CNTN4: variants seen among roughly 807,000 people sequenced by gnomAD.
The protein encoded by CNTN4 is contactin-4.
Under a neutral mutation model 122.5 loss-of-function variants are expected in CNTN4, and 77 were observed. That is an observed-to-expected ratio of 0.63 (90% CI 0.52 to 0.76). The LOEUF (loss-of-function observed/expected upper bound fraction) is 0.76. Among genes scored for constraint, CNTN4 ranks in the 30% least tolerant of loss-of-function variants. The pLI, the probability that CNTN4 is intolerant of heterozygous loss-of-function variation, is 0.00. For synonymous variants in CNTN4, 512 were observed against 447.0 expected (o/e 1.15, Z -1.83); for missense variants, 1,256 against 1,259.1 (o/e 1.00, Z 0.04).
chr3:2,372,399 T>C (rs1262369073), intron 3 of CNTN4, among the ~76,000 whole-genome samples: 2 of 152,230 alleles, frequency 1.3e-5, no homozygotes, highest in Non-Finnish European at 1.5e-5. Context: ...TGTTTCTAAT[T>C]TGTGTATTCT....
intron 3 of CNTN4, among the ~76,000 whole-genome samples, chr3:2,412,407 A>G (rs1436713638): frequency 6.6e-6 from 1 of 151,988 alleles, no homozygotes; most frequent in Non-Finnish European, 1.5e-5. Flanking sequence ...CCCCACCACC[A>G]TGCCCAGCTG....
chr3:2,244,041 A>G (rs779065417), intron 2 of CNTN4, among the ~76,000 whole-genome samples: 5 of 152,100 alleles, frequency 3.3e-5, no homozygotes, highest in Admixed American at 6.6e-5. Flanking sequence ...TCCTTTATCC[A>G]TAGCCCATAC....
At chr3:2,851,636 C>A (rs1255557742) in intron 7 of CNTN4, among the ~76,000 whole-genome samples, 1 of 152,198 alleles carries the variant, frequency 6.6e-6, no homozygotes, top group Non-Finnish European at 1.5e-5. Flanking sequence ...CTCATTTGGT[C>A]ATCAAACCTC....
At chr3:2,636,372 G>A (rs2082657676) in intron 4 of CNTN4, among the ~76,000 whole-genome samples, 1 of 152,120 alleles carries the variant, frequency 6.6e-6, no homozygotes, top group Non-Finnish European at 1.5e-5. Context: ...ATTAGACATA[G>A]AAGATAGAAT....
intron 14 of CNTN4, among the ~76,000 whole-genome samples, chr3:3,016,013 G>A (rs190798943): frequency 1.1e-4 from 16 of 152,230 alleles, no homozygotes; most frequent in Admixed American, 9.8e-4. Context: ...TGAGTCATAA[G>A]GGAGAGTTAC....
At chr3:2,388,801 C>A (rs1325425117) in intron 3 of CNTN4, among the ~76,000 whole-genome samples, 1 of 150,644 alleles carries the variant, frequency 6.6e-6, no homozygotes, top group Non-Finnish European at 1.5e-5. Flanking sequence ...ACCGAGATCT[C>A]ACCACTGCAC....
chr3:2,166,352 ACAAG>A (rs2036194731), intron 2 of CNTN4, among the ~76,000 whole-genome samples: 1 of 152,054 alleles, frequency 6.6e-6, no homozygotes, highest in South Asian at 2.1e-4. Flanking sequence ...TGAAAAGATA[ACAAG>A]CAAGGGAATT....
At chr3:2,896,011 C>T (rs1053157400) in intron 10 of CNTN4, among the ~76,000 whole-genome samples, 8 of 152,018 alleles carry the variant, frequency 5.3e-5, no homozygotes, top group Non-Finnish European at 1.0e-4. Context: ...CTGGTCTGGG[C>T]GACAGAGCCA....
At chr3:2,829,189 C>A (rs954506252) in intron 7 of CNTN4, among the ~76,000 whole-genome samples, 3 of 152,124 alleles carry the variant, frequency 2.0e-5, no homozygotes, top group East Asian at 3.9e-4. Context: ...GGGGTTACAG[C>A]GCATTAGTTG....
At chr3:2,772,610 CA>C (rs1559486808) in intron 6 of CNTN4, among the ~76,000 whole-genome samples, 4 of 152,034 alleles carry the variant, frequency 2.6e-5, no homozygotes, top group Admixed American at 1.3e-4. Flanking sequence ...TGAAAAGTGC[CA>C]CTGTCAATAA....
intron 12 of CNTN4, among the ~76,000 whole-genome samples, chr3:2,912,221 T>A (rs1366858174): frequency 6.6e-6 from 1 of 152,226 alleles, no homozygotes; most frequent in African/African-American, 2.4e-5. Flanking sequence ...CAAGTGTGCA[T>A]CTGTAAGATT....
intron 20 of CNTN4, chr3:3,040,968 G>C (rs1298206655): frequency 1.3e-5 from 2 of 152,738 alleles, no homozygotes; most frequent in Non-Finnish European, 2.9e-5. Flanking sequence ...AAAAGAGTAA[G>C]TCATGAAGCA....
intron 3 of CNTN4, among the ~76,000 whole-genome samples, chr3:2,426,782 T>C (rs570747960): frequency 2.6e-5 from 4 of 152,322 alleles, no homozygotes; most frequent in African/African-American, 9.6e-5. Flanking sequence ...TTCAACTTCT[T>C]CCTGGTTTAG....
At chr3:2,871,374 A>C (rs1261698126) in intron 8 of CNTN4, among the ~76,000 whole-genome samples, 2 of 152,232 alleles carry the variant, frequency 1.3e-5, no homozygotes, top group Non-Finnish European at 2.9e-5. Flanking sequence ...AGATCATATT[A>C]TTCTTCTTTT....
chr3:2,742,500 C>T (rs1344333909), intron 5 of CNTN4, among the ~76,000 whole-genome samples: 1 of 152,016 alleles, frequency 6.6e-6, no homozygotes, highest in Non-Finnish European at 1.5e-5. Flanking sequence ...TCATAAATGC[C>T]CTGACCTTCC....
At chr3:2,925,950 C>T (rs1273649378) in intron 13 of CNTN4, among the ~76,000 whole-genome samples, 171 bp downstream of exon 13, 2 of 152,136 alleles carry the variant, frequency 1.3e-5, no homozygotes, top group African/African-American at 2.4e-5. Context: ...TCTTTATAGT[C>T]CTTCTGGATT....
At chr3:2,248,063 C>G (rs944729748) in intron 2 of CNTN4, among the ~76,000 whole-genome samples, 2 of 151,918 alleles carry the variant, frequency 1.3e-5, no homozygotes, top group African/African-American at 2.4e-5. Flanking sequence ...TCTCCTCATG[C>G]TAGGTTGTAA....
At chr3:3,010,304 T>C (rs183578426) in intron 14 of CNTN4, among the ~76,000 whole-genome samples, 2 of 152,168 alleles carry the variant, frequency 1.3e-5, no homozygotes, top group African/African-American at 4.8e-5. Context: ...TTCCCAAATC[T>C]TTGGGCATTT....
At chr3:2,124,475 C>CACAT (rs2034011767) in intron 2 of CNTN4, among the ~76,000 whole-genome samples, 1 of 148,852 alleles carries the variant, frequency 6.7e-6, no homozygotes, top group East Asian at 2.0e-4. Flanking sequence ...CACACACACC[C>CACAT]CCTTAAGCAA....
Sources: allele counts gnomAD v4.1 joint callset (sites outside exome capture counted in the v4.1 genomes callset), GRCh38; gene constraint gnomAD v4.1.1; transcripts MANE v1.5; gene names NCBI Gene and HGNC (gene_info 2026-07-23, HGNC 2026-07-21).